Variants in MAGI2 observed in about 807,000 individuals in gnomAD.
The protein encoded by MAGI2 is membrane-associated guanylate kinase, WW and PDZ domain-containing protein 2.
A neutral mutation model predicts 133.3 loss-of-function variants in MAGI2; 35 were observed. That is an observed-to-expected ratio of 0.26 (90% CI 0.20 to 0.35). The LOEUF (loss-of-function observed/expected upper bound fraction) is 0.35. Among genes scored for constraint, MAGI2 ranks in the 10% least tolerant of loss-of-function variants. The pLI, the probability that MAGI2 is intolerant of heterozygous loss-of-function variation, is 1.00. For missense variants in MAGI2, 1,636 were observed against 1,863.4 expected, an observed-to-expected ratio of 0.88 and a Z score of 2.25; for synonymous variants, 729 against 710.6, an observed-to-expected ratio of 1.03 and a Z score of -0.41.
chr7:79,169,561 C>T (rs561089270), intron 1 of MAGI2, among the ~76,000 whole-genome samples: 1 of 152,114 alleles, frequency 6.6e-6, no homozygotes. Flanking sequence ...ACACGCTCAG[C>T]CACCAGGGCA....
rs368833564 is a variant in MAGI2 at position 78,784,511 on chromosome 7, G to A, written c.419-157272C>T. Among the ~76,000 whole-genome samples, 9 of 152,204 alleles carry A rather than the reference G, an allele frequency of 5.9e-5. No individual in the cohort carries two copies. The East Asian group carries it at 1.4e-3, about 23-fold the overall frequency. ...TCCCCACCTTTCTGTCTAGGGGTTG[G>A]CCATAAAGACATTTCTCTGACTTAA... On this transcript the variant is annotated intron_variant, in intron 2 of 21. Transcript: ENST00000354212.
At chr7:79,070,217 T>G (rs185083841) in intron 1 of MAGI2, among the ~76,000 whole-genome samples, 158 of 152,214 alleles carry the variant, frequency 1.0e-3, no homozygotes, top group Middle Eastern at 6.8e-3. Flanking sequence ...CTTGGTTCCA[T>G]TCTCCCCATC....
intron 4 of MAGI2, among the ~76,000 whole-genome samples, chr7:78,503,484 TAGTG>T (rs1794797615): frequency 1.3e-5 from 2 of 151,074 alleles, no homozygotes; most frequent in African/African-American, 2.4e-5. Flanking sequence ...GTTCTTGTGG[TAGTG>T]AGTAAGTCTC....
chr7:79,282,576 T>C (rs1278835244), intron 1 of MAGI2, among the ~76,000 whole-genome samples: 2 of 151,636 alleles, frequency 1.3e-5, no homozygotes, highest in African/African-American at 4.8e-5. Context: ...AGCCAAGACA[T>C]AACAAAAAGC....
At chr7:78,722,672 C>A (rs1820379898) in intron 2 of MAGI2, among the ~76,000 whole-genome samples, 1 of 152,014 alleles carries the variant, frequency 6.6e-6, no homozygotes, top group Non-Finnish European at 1.5e-5. Flanking sequence ...ATAACGTAAG[C>A]AGTAAGACAC....
chr7:78,077,591 C>T (rs1382176114), intron 21 of MAGI2, among the ~76,000 whole-genome samples: 1 of 141,338 alleles, frequency 7.1e-6, no homozygotes, highest in Non-Finnish European at 1.6e-5. Flanking sequence ...GGAAACAACG[C>T]ATTTAAGGTC....
intron 1 of MAGI2, among the ~76,000 whole-genome samples, chr7:79,204,146 C>T (rs1027038261): frequency 3.3e-5 from 5 of 152,044 alleles, no homozygotes; most frequent in Non-Finnish European, 7.3e-5. Context: ...ATTGGGCCCA[C>T]CAAAGTAAAA....
chr7:79,296,112 G>A (rs1218972031), intron 1 of MAGI2, among the ~76,000 whole-genome samples: 2 of 152,128 alleles, frequency 1.3e-5, no homozygotes, highest in Non-Finnish European at 2.9e-5. Flanking sequence ...TGTGCCACAA[G>A]AGCATTGATA....
chr7:78,702,415 G>A (rs12669955), intron 2 of MAGI2, among the ~76,000 whole-genome samples: 5,130 of 151,828 alleles, frequency 0.034, 240 homozygotes, highest in African/African-American at 0.11. Flanking sequence ...TTACTTAATT[G>A]AAAGTTCTTT....
chr7:79,171,770 A>ATATTTTTTTTTTTTTTT, intron 1 of MAGI2, among the ~76,000 whole-genome samples: 10 of 31,222 alleles, frequency 3.2e-4, no homozygotes, highest in Non-Finnish European at 8.9e-4. Flanking sequence ...ATATATATAT[A>ATATTTTTTTTTTTTTTT]TTTTTTTTTT....
Position 79,007,189 on chromosome 7 carries a change from C to G in MAGI2, c.319G>C (p.Asp107His). 2 of 1,605,342 alleles carry G rather than the reference C, an allele frequency of 1.2e-6. No homozygotes were observed. The highest frequency in any genetic ancestry group is 1.7e-6 in the Non-Finnish European group (2 of 1,176,414). ...CGTAAGTTGAGGTAGTGACGAAGGTCTTTATCAACAATTCCTCCTAAAAAT... is the reference window on the plus strand; with the variant it reads ...CGTAAGTTGAGGTAGTGACGAAGGTGTTTATCAACAATTCCTCCTAAAAAT... ...CVKQGGIVDK[D>H]LRHYLNLRFQ... Residue 107 changes from aspartate (D) to histidine (H), a missense_variant, in exon 2 of 22, where the codon GAC becomes CAC. Around this residue, in one of 5 missense-constraint regions of MAGI2, gnomAD observed 148 missense variants for 239.0 expected, o/e 0.62. Transcript: ENST00000354212.
chr7:78,209,500 A>G (rs1303339329), intron 10 of MAGI2, among the ~76,000 whole-genome samples: 1 of 151,764 alleles, frequency 6.6e-6, no homozygotes, highest in Non-Finnish European at 1.5e-5. Context: ...TGACCTCATG[A>G]TCTGCCCACC....
intron 1 of MAGI2, among the ~76,000 whole-genome samples, chr7:79,249,388 G>A (rs1329414515): frequency 6.6e-6 from 1 of 151,518 alleles, no homozygotes; most frequent in East Asian, 1.9e-4. Flanking sequence ...CAAAATTTTA[G>A]CGAGACTAGC....
intron 3 of MAGI2, among the ~76,000 whole-genome samples, chr7:78,569,416 C>T (rs1801278546): frequency 6.6e-6 from 1 of 152,146 alleles, no homozygotes; most frequent in African/African-American, 2.4e-5. Context: ...CAAGGACACA[C>T]AGACACGCTA....
intron 2 of MAGI2, among the ~76,000 whole-genome samples, chr7:78,858,064 T>G (rs1193199866): frequency 6.6e-6 from 1 of 152,318 alleles, no homozygotes; most frequent in South Asian, 2.1e-4. Flanking sequence ...TATTCTCTGA[T>G]GGTAGTTTGT....
intron 3 of MAGI2, chr7:78,614,884 C>A (rs911340932): frequency 3.9e-5 from 6 of 152,084 alleles, no homozygotes; most frequent in African/African-American, 1.4e-4. Flanking sequence ...TAAAAGAAAT[C>A]TTTCTTAAAT....
intron 21 of MAGI2, among the ~76,000 whole-genome samples, chr7:78,027,323 A>C (rs1245602318): frequency 6.6e-6 from 1 of 152,166 alleles, no homozygotes; most frequent in Non-Finnish European, 1.5e-5. Flanking sequence ...TGATCTGTGA[A>C]AATGATAGAA....
At chr7:79,398,673 G>A (rs1175631520) in intron 1 of MAGI2, among the ~76,000 whole-genome samples, 4 of 152,138 alleles carry the variant, frequency 2.6e-5, no homozygotes, top group Admixed American at 2.6e-4. Context: ...TCCCACCCAT[G>A]GAAAATTCAT....
intron 1 of MAGI2, among the ~76,000 whole-genome samples, chr7:79,305,201 G>A (rs1291489272): frequency 6.6e-6 from 1 of 152,122 alleles, no homozygotes; most frequent in Non-Finnish European, 1.5e-5. Context: ...GCCTAGTAGA[G>A]CAGATTTTTC....
Sources: allele counts gnomAD v4.1 joint callset (sites outside exome capture counted in the v4.1 genomes callset), GRCh38; gene constraint gnomAD v4.1.1; regional missense constraint gnomAD v4.1.1; transcripts MANE v1.5; gene names NCBI Gene and HGNC (gene_info 2026-07-23, HGNC 2026-07-21).